SGCZ: variants seen among roughly 807,000 people sequenced by gnomAD.
The protein encoded by SGCZ is zeta-sarcoglycan.
A neutral mutation model predicts 41.3 loss-of-function variants in SGCZ; 40 were observed. That is an observed-to-expected ratio of 0.97 (90% CI 0.75 to 1.26). The LOEUF (loss-of-function observed/expected upper bound fraction) is 1.26, where lower values mean the gene tolerates loss of function less well. SGCZ is among the 50% of genes most tolerant of loss of function. SGCZ has a pLI of 0.00. For synonymous variants in SGCZ, 206 were observed against 137.5 expected, an observed-to-expected ratio of 1.50 and a Z score of -3.49; for missense variants, 552 against 369.8, an observed-to-expected ratio of 1.49 and a Z score of -4.04.
intron 1 of SGCZ, among the ~76,000 whole-genome samples, chr8:14,898,322 T>C (rs1029071327): frequency 6.6e-6 from 1 of 152,126 alleles, no homozygotes; most frequent in Admixed American, 6.5e-5. Context: ...GGCAAAGCTA[T>C]GCAATGTCAA....
chr8:14,630,237 T>C (rs1191902821), intron 1 of SGCZ, among the ~76,000 whole-genome samples: 1 of 60,144 alleles, frequency 1.7e-5, no homozygotes, highest in Non-Finnish European at 3.7e-5. Flanking sequence ...TGTGTTTTGA[T>C]TTTTTTTTTT....
chr8:14,669,194 AAT>A (rs10672041), intron 1 of SGCZ, among the ~76,000 whole-genome samples: 9 of 146,644 alleles, frequency 6.1e-5, no homozygotes, highest in Middle Eastern at 3.6e-3. Context: ...ACACACTACA[AAT>A]ATATATATAT....
At chr8:14,906,156 G>A (rs1310842525) in intron 1 of SGCZ, among the ~76,000 whole-genome samples, 1 of 152,070 alleles carries the variant, frequency 6.6e-6, no homozygotes, top group East Asian at 1.9e-4. Flanking sequence ...ATATTAAGAA[G>A]ATTAACTCTC....
At chr8:14,314,859 G>A (rs931808659) in intron 3 of SGCZ, among the ~76,000 whole-genome samples, 16 of 152,142 alleles carry the variant, frequency 1.1e-4, no homozygotes, top group Admixed American at 7.2e-4. Context: ...GTTCACCACT[G>A]GGTGTCTCTT....
rs541408921 is a variant in SGCZ, at chr8:14,716,286, T to C, written c.40-161360A>G. On this transcript the variant is annotated intron_variant, in intron 1 of 7. Transcript: ENST00000382080. The stretch of plus-strand genomic sequence containing the variant: ...ACAATGTTAGACTAGAAGAGAAAAA[T>C]AGGAGCCCATGATTTATTTCTTGAA... 5.9e-5 allele frequency among the ~76,000 whole-genome samples: 9 copies of C among 151,918 alleles called. No individual in the cohort carries two copies. The East Asian group carries it at 1.5e-3, about 26-fold the overall frequency.
chr8:14,586,887 A>T (rs1163350212), intron 1 of SGCZ, among the ~76,000 whole-genome samples: 1 of 152,188 alleles, frequency 6.6e-6, no homozygotes, highest in Non-Finnish European at 1.5e-5. Flanking sequence ...ATTTTGACAG[A>T]TTAATAAAGT....
At chr8:14,289,824 A>T (rs1467111380) in intron 3 of SGCZ, among the ~76,000 whole-genome samples, 1 of 149,320 alleles carries the variant, frequency 6.7e-6, no homozygotes, top group South Asian at 2.1e-4. Flanking sequence ...CTAGATAATT[A>T]AAAAAAATAA....
intron 4 of SGCZ, among the ~76,000 whole-genome samples, chr8:14,185,087 T>A (rs184108352): frequency 6.6e-6 from 1 of 152,308 alleles, no homozygotes; most frequent in Admixed American, 6.5e-5. Context: ...ACAAAATTTT[T>A]CCACGTCAAG....
intron 2 of SGCZ, among the ~76,000 whole-genome samples, chr8:14,408,953 G>GTGTGTGTGTGTGTGTGTGCA (rs1491452688): frequency 8.5e-6 from 1 of 118,090 alleles, no homozygotes; most frequent in African/African-American, 3.9e-5. Flanking sequence ...AATTAAGAGA[G>GTGTGTGTGTGTGTGTGTGCA]TGTGTGTGTG....
At chr8:14,609,623 T>G (rs1419482022) in intron 1 of SGCZ, among the ~76,000 whole-genome samples, 1 of 152,158 alleles carries the variant, frequency 6.6e-6, no homozygotes, top group Admixed American at 6.5e-5. Flanking sequence ...AAAATCAACA[T>G]TTTTGACACA....
intron 1 of SGCZ, among the ~76,000 whole-genome samples, chr8:14,761,534 T>C (rs1240977360): frequency 7.1e-6 from 1 of 140,166 alleles, no homozygotes; most frequent in Non-Finnish European, 1.5e-5. Context: ...TTTATTTATT[T>C]ATTTATTTTT....
In SGCZ at chr8:15,024,707, C is replaced by A. The variant is rs144045102; in HGVS notation, c.39+212878G>T. Among the ~76,000 whole-genome samples, 5 of 151,932 alleles carry A rather than the reference C, an allele frequency of 3.3e-5. No homozygotes were observed. In the South Asian group the frequency reaches 1.0e-3, roughly 32 times the overall value. The stretch of plus-strand genomic sequence containing the variant: ...ATCCCAGCACTTTGGGAGGCCGAGG[C>A]GGGCAGATCATGAGGTCAGGAGATC... On this transcript the variant is annotated intron_variant, in intron 1 of 7. Coordinates refer to ENST00000382080, the MANE Select transcript of SGCZ (RefSeq NM_139167.4).
Position 14,102,599 on chromosome 8 carries a change from C to T in SGCZ, c.621-100G>A, listed in dbSNP as rs959541856. ...TGATAAACTAGAAGACAACATTGGT[C>T]AAAACAACAACCAGACAGACAGGCA... On this transcript the variant is annotated intron_variant, in intron 6 of 7. Transcript: ENST00000382080. 1.0e-5 allele frequency: 11 copies of T among 1,085,940 alleles called. 1 individual carries two copies. The Admixed American group carries it at 4.2e-4, about 41-fold the overall frequency. The allele number at this position is 1,085,940 out of a possible 1,614,324, so 67.3% of individuals were successfully genotyped here. A position where few individuals can be genotyped will look rare whatever the true frequency, so the allele number is the denominator to read the frequency against.
chr8:14,770,276 C>T (rs1051639744), intron 1 of SGCZ, among the ~76,000 whole-genome samples: 1 of 151,534 alleles, frequency 6.6e-6, no homozygotes, highest in Non-Finnish European at 1.5e-5. Flanking sequence ...ACAGACCCAT[C>T]TGAAAAATTA....
At chr8:14,294,312 T>C (rs1019235243) in intron 3 of SGCZ, among the ~76,000 whole-genome samples, 52 of 151,838 alleles carry the variant, frequency 3.4e-4, no homozygotes, top group African/African-American at 1.0e-3. Context: ...GACACAACAT[T>C]ACTAAAACTC....
intron 7 of SGCZ, among the ~76,000 whole-genome samples, chr8:14,098,491 G>C (rs1399287859): frequency 6.6e-6 from 1 of 152,128 alleles, no homozygotes; most frequent in African/African-American, 2.4e-5. Flanking sequence ...GAGTGGAAGA[G>C]GAAGTGGGCT....
chr8:14,184,857 C>T (rs1435235031), intron 4 of SGCZ, among the ~76,000 whole-genome samples: 6 of 152,120 alleles, frequency 3.9e-5, no homozygotes, highest in Non-Finnish European at 5.9e-5. Flanking sequence ...TAACTTAAAA[C>T]TATACCAGAA....
intron 1 of SGCZ, among the ~76,000 whole-genome samples, chr8:15,162,048 C>G (rs141256676): frequency 2.6e-4 from 39 of 152,216 alleles, no homozygotes; most frequent in Non-Finnish European, 4.7e-4. Context: ...GACTATATGC[C>G]TATAGAGATT....
chr8:14,322,621 G>A (rs987651016), intron 3 of SGCZ, among the ~76,000 whole-genome samples: 23 of 152,150 alleles, frequency 1.5e-4, no homozygotes, highest in African/African-American at 4.6e-4. Context: ...TTGTTCCCAC[G>A]TAGCGACTAC....
Sources: allele counts gnomAD v4.1 joint callset (sites outside exome capture counted in the v4.1 genomes callset), GRCh38; gene constraint gnomAD v4.1.1; transcripts MANE v1.5; gene names NCBI Gene and HGNC (gene_info 2026-07-23, HGNC 2026-07-21).